PLD1: variants seen among roughly 807,000 people sequenced by gnomAD.
PLD1 encodes phospholipase D1.
In PLD1, 112 loss-of-function variants were observed where a neutral mutation model predicts 137.1. The ratio of observed to expected loss-of-function variants is 0.82; its 90% confidence interval spans 0.70 to 0.96. PLD1 has a LOEUF of 0.96. Ranked by LOEUF, PLD1 falls within the 40% of genes least tolerant of loss-of-function variation. The pLI is 0.00. For missense variants in PLD1, 1,321 were observed against 1,342.0 expected, an observed-to-expected ratio of 0.98 and a Z score of 0.24; for synonymous variants, 431 against 454.7, an observed-to-expected ratio of 0.95 and a Z score of 0.66.
chr3:171,788,367 C>A (rs1455283680), intron 1 of PLD1, among the ~76,000 whole-genome samples: 1 of 142,908 alleles, frequency 7.0e-6, no homozygotes, highest in East Asian at 2.2e-4. Flanking sequence ...GCTGAAAAAA[C>A]CAAGCCAGGT....
Position 171,709,791 on chromosome 3 carries a change from C to T in PLD1, c.912-82G>A, listed in dbSNP as rs57585971. On this transcript the variant is annotated intron_variant, in intron 9 of 26. Coordinates refer to ENST00000351298, the MANE Select transcript of PLD1 (RefSeq NM_002662.5). ...CTTTTTTATTTGGTAATATACCAAA[C>T]ACAAACTGAAAATTTGAGGCAAAGA... 8.0e-3 allele frequency: 9,736 copies of T among 1,216,452 alleles called. 616 individuals are homozygous for T. The African/African-American group carries it at 0.13, about 17-fold the overall frequency. The allele number at this position is 1,216,452 out of a possible 1,614,324, so 75.4% of individuals were successfully genotyped here.
intron 1 of PLD1, among the ~76,000 whole-genome samples, chr3:171,802,884 T>C (rs975889351): frequency 1.6e-4 from 24 of 152,142 alleles, no homozygotes; most frequent in African/African-American, 5.6e-4. Flanking sequence ...ATGACCTGAT[T>C]CTAAGCAAGG....
At chr3:171,647,504 C>T (rs1395941104) in intron 21 of PLD1, among the ~76,000 whole-genome samples, 1 of 151,654 alleles carries the variant, frequency 6.6e-6, no homozygotes, top group African/African-American at 2.4e-5. Context: ...GGCTGGAGTG[C>T]AATGGTGCGA....
intron 6 of PLD1, among the ~76,000 whole-genome samples, chr3:171,731,368 G>A (rs1012993184): frequency 5.9e-5 from 9 of 152,100 alleles, no homozygotes; most frequent in Non-Finnish European, 1.2e-4. Context: ...CTAGTCTTTA[G>A]GCCAGACTAC....
At chr3:171,683,535 C>G (rs1028125922) in intron 16 of PLD1, among the ~76,000 whole-genome samples, 10 of 116,542 alleles carry the variant, frequency 8.6e-5, no homozygotes, top group Middle Eastern at 3.8e-3. Context: ...GAAACACCCT[C>G]TCTCAGTTTC....
chr3:171,732,225 T>C (rs1718998487), intron 6 of PLD1, among the ~76,000 whole-genome samples: 2 of 152,226 alleles, frequency 1.3e-5, no homozygotes, highest in Non-Finnish European at 2.9e-5. Context: ...TTCATTGTTA[T>C]TTCAACAATA....
chr3:171,615,769 T>C (rs1733052368), intron 24 of PLD1, among the ~76,000 whole-genome samples: 1 of 152,236 alleles, frequency 6.6e-6, no homozygotes, highest in Admixed American at 6.5e-5. Flanking sequence ...CTGCTATTGA[T>C]GGATGTTTGG....
chr3:171,755,754 T>C (rs1720981595), intron 1 of PLD1, among the ~76,000 whole-genome samples: 1 of 152,200 alleles, frequency 6.6e-6, no homozygotes, highest in African/African-American at 2.4e-5. Context: ...GTATTGCCCA[T>C]CACTAGCATC....
intron 1 of PLD1, among the ~76,000 whole-genome samples, chr3:171,764,890 AGAAAGGAAGGAAGGAAGGAAG>A (rs1721771566): frequency 3.0e-4 from 8 of 27,056 alleles, no homozygotes; most frequent in African/African-American, 1.2e-3. Context: ...AAAGAAAGAA[AGAAAGGAAGGAAGGAAGGAAG>A]GAAAGAAAGA....
intron 12 of PLD1, among the ~76,000 whole-genome samples, chr3:171,694,561 A>G (rs917228292): frequency 2.6e-5 from 4 of 152,058 alleles, no homozygotes; most frequent in Non-Finnish European, 5.9e-5. Context: ...TGGTTACAAA[A>G]AAAAAAAAGC....
intron 16 of PLD1, among the ~76,000 whole-genome samples, chr3:171,679,931 T>A (rs993825709): frequency 2.0e-5 from 3 of 152,210 alleles, no homozygotes; most frequent in African/African-American, 7.2e-5. Context: ...GGCTGCTATC[T>A]GGCTCCCAAA....
rs755916494 is a variant in PLD1, at chr3:171,709,655, A to G, written c.966T>C (p.Ala322=). ...CATGTTTCTGGATGAATTCTTCTAT[A>G]GCCCCTCCCCACCACCGAGCATGTC... is the stretch of plus-strand genomic sequence containing the variant. The part of the protein sequence containing the change: ...SYRHARWWGG[A]IEEFIQKHGT... Residue 322 remains alanine, a synonymous_variant, in exon 10 of 27, where the codon GCT becomes GCC. Transcript: ENST00000351298. 1 of 1,614,076 alleles carries G rather than the reference A, an allele frequency of 6.2e-7. No individual in the cohort carries two copies. The highest frequency in any genetic ancestry group is 8.5e-7 in the Non-Finnish European group (1 of 1,179,924).
intron 21 of PLD1, among the ~76,000 whole-genome samples, chr3:171,648,481 A>G (rs1405959451): frequency 6.6e-6 from 1 of 152,176 alleles, no homozygotes; most frequent in Non-Finnish European, 1.5e-5. Context: ...TTAGAATACT[A>G]TAAACACTTT....
At position 171,688,829 on chromosome 3, in the gene PLD1, A is replaced by G; in HGVS notation, c.1386T>C (p.Ala462=). ...CAATGATGACAAGCTTCTCATGGTG[A>G]GCCCACAAATAGACGGTGGATGACA... ...DHVSSTVYLW[A]HHEKLVIIDQ... Residue 462 remains alanine, a synonymous_variant, in exon 14 of 27, where the codon GCT becomes GCC. Transcript: ENST00000351298. The G allele has an allele frequency of 6.2e-7, 1 of 1,614,128 alleles. No individual in the cohort carries two copies. The highest frequency in any genetic ancestry group is 8.5e-7 in the Non-Finnish European group (1 of 1,180,014).
At chr3:171,635,997 T>TTTTTTTTTAA (rs1735095767) in intron 23 of PLD1, among the ~76,000 whole-genome samples, 1 of 115,718 alleles carries the variant, frequency 8.6e-6, no homozygotes, top group Non-Finnish European at 1.8e-5. Context: ...TTTTTTTTTT[T>TTTTTTTTTAA]GCAAGTGGAT....
chr3:171,657,140 T>C (rs1329124972), intron 21 of PLD1, among the ~76,000 whole-genome samples: 1 of 152,160 alleles, frequency 6.6e-6, no homozygotes, highest in Non-Finnish European at 1.5e-5. Flanking sequence ...TCTCAGTTTT[T>C]AATCCTAAAA....
intron 1 of PLD1, among the ~76,000 whole-genome samples, chr3:171,778,382 A>G (rs1722659733): frequency 6.6e-6 from 1 of 152,252 alleles, no homozygotes; most frequent in African/African-American, 2.4e-5. Flanking sequence ...ACAGACTATC[A>G]AAAATTAAAA....
chr3:171,604,093 C>A (rs1220551866), intron 26 of PLD1, among the ~76,000 whole-genome samples: 1 of 151,976 alleles, frequency 6.6e-6, no homozygotes, highest in African/African-American at 2.4e-5. Flanking sequence ...AATCCTAGCA[C>A]TTTGAGAGGC....
intron 25 of PLD1, among the ~76,000 whole-genome samples, chr3:171,608,554 C>A (rs182129356): frequency 1.3e-5 from 2 of 152,298 alleles, no homozygotes; most frequent in East Asian, 3.9e-4. Context: ...CATGGTATCA[C>A]ACTGGCATGC....
Sources: allele counts gnomAD v4.1 joint callset (sites outside exome capture counted in the v4.1 genomes callset), GRCh38; gene constraint gnomAD v4.1.1; transcripts MANE v1.5; gene names NCBI Gene and HGNC (gene_info 2026-07-23, HGNC 2026-07-21).